ADGRL3: variants seen among roughly 807,000 people sequenced by gnomAD.
ADGRL3 encodes the protein adhesion G protein-coupled receptor L3.
Under a neutral mutation model 153.5 loss-of-function variants are expected in ADGRL3, and 62 were observed. That is an observed-to-expected ratio of 0.40 (90% CI 0.33 to 0.50). The LOEUF is 0.50. Ranked by LOEUF, ADGRL3 falls within the 20% of genes least tolerant of loss-of-function variation. The probability of loss-of-function intolerance (pLI) is 0.47; values close to 1 mark genes in which losing one functional copy is unlikely to be tolerated. For missense variants in ADGRL3, 1,641 were observed against 1,859.4 expected (o/e 0.88, Z 2.16); for synonymous variants, 710 against 672.5 (o/e 1.06, Z -0.86).
At chr4:61,948,729 C>T (rs1378105916) in intron 17 of ADGRL3, among the ~76,000 whole-genome samples, 1 of 152,140 alleles carries the variant, frequency 6.6e-6, no homozygotes, top group Non-Finnish European at 1.5e-5. Context: ...GTGCAAAGGA[C>T]TTGGCATACC....
intron 8 of ADGRL3, among the ~76,000 whole-genome samples, chr4:61,764,564 G>C: frequency 6.6e-6 from 1 of 151,824 alleles, no homozygotes; most frequent in Non-Finnish European, 1.5e-5. Flanking sequence ...TTCTTTTGTG[G>C]TGGAATGTCA....
At chr4:61,385,938 A>G (rs887651790) in intron 2 of ADGRL3, among the ~76,000 whole-genome samples, 7 of 151,890 alleles carry the variant, frequency 4.6e-5, no homozygotes. Context: ...TCTTTCTTTC[A>G]CTTACTGCTC....
At chr4:61,824,872 T>C (rs2097787062) in intron 9 of ADGRL3, among the ~76,000 whole-genome samples, 1 of 152,254 alleles carries the variant, frequency 6.6e-6, no homozygotes, top group South Asian at 2.1e-4. Flanking sequence ...CTTTTAGAGT[T>C]AATTGCCTGC....
chr4:61,882,855 C>T (rs1324545579), intron 9 of ADGRL3, among the ~76,000 whole-genome samples: 6 of 152,210 alleles, frequency 3.9e-5, no homozygotes, highest in Non-Finnish European at 7.3e-5. Flanking sequence ...CCTATAATCC[C>T]AGCACTTTGG....
At chr4:61,929,566 A>G (rs558159296) in intron 13 of ADGRL3, among the ~76,000 whole-genome samples, 1 of 152,318 alleles carries the variant, frequency 6.6e-6, no homozygotes, top group South Asian at 2.1e-4. Flanking sequence ...AAACTGACTT[A>G]CATATGAGTT....
At chr4:61,588,730 A>G (rs2098957047) in intron 5 of ADGRL3, among the ~76,000 whole-genome samples, 1 of 152,042 alleles carries the variant, frequency 6.6e-6, no homozygotes, top group Non-Finnish European at 1.5e-5. Context: ...CTCCAACTAT[A>G]CTAAATGCTA....
At chr4:61,976,545 G>A (rs1241562460) in intron 17 of ADGRL3, among the ~76,000 whole-genome samples, 1 of 152,100 alleles carries the variant, frequency 6.6e-6, no homozygotes, top group Non-Finnish European at 1.5e-5. Context: ...CAGAAAAGGG[G>A]TCTGTAATTT....
At chr4:61,808,732 G>GTGTTTGTT (rs539186158) in intron 8 of ADGRL3, among the ~76,000 whole-genome samples, 7,563 of 148,754 alleles carry the variant, frequency 0.051, 319 homozygotes, top group African/African-American at 0.11. Context: ...ATGGGTTTTT[G>GTGTTTGTT]TGTTTGTTTG....
rs536156841 is a variant in ADGRL3, at chr4:61,419,916, C to T, written c.-174+36727C>T. ...TTGAGTGATTCTGCTACCACAGCCT[C>T]CCCAGTAGCTGGGATTACAGGCATG... On this transcript the variant is annotated intron_variant, in intron 2 of 26. Coordinates refer to ENST00000683033, the MANE Select transcript of ADGRL3 (RefSeq NM_001387552.1). 2.6e-5 allele frequency among the ~76,000 whole-genome samples: 4 copies of T among 151,980 alleles called. No individual in the cohort carries two copies. The South Asian group carries it at 8.3e-4, about 32-fold the overall frequency.
chr4:61,591,307 C>T (rs576202024), intron 5 of ADGRL3, among the ~76,000 whole-genome samples: 2 of 152,198 alleles, frequency 1.3e-5, no homozygotes, highest in African/African-American at 4.8e-5. Context: ...TTTTAGTGAA[C>T]TTAGCAACTG....
At chr4:61,709,027 C>T (rs2095910245) in intron 6 of ADGRL3, among the ~76,000 whole-genome samples, 1 of 151,966 alleles carries the variant, frequency 6.6e-6, no homozygotes, top group Non-Finnish European at 1.5e-5. Flanking sequence ...CCAGGCTGGT[C>T]TCGACTCCTG....
At position 61,202,537 on chromosome 4, in the gene ADGRL3, G is replaced by C. The variant is rs1577837086; in HGVS notation, c.-240+772G>C. 6.6e-6 allele frequency among the ~76,000 whole-genome samples: 1 copy of C among 152,214 alleles called. No homozygotes were observed. The highest frequency in any genetic ancestry group is 2.0e-4 in the East Asian group (1 of 5,124). On this transcript the variant is annotated intron_variant, in intron 1 of 26. Transcript: ENST00000683033. This position sits in a 1 kb window ranked among gnomAD's most constrained non-coding sequence, Gnocchi z 5.0. Reference sequence around the variant, plus strand: ...GGGGGCGGCGGTGTTGCACGAATCCGGGCGGCCGCGGCGCCGGGGCGGGGT... The same window carrying C: ...GGGGGCGGCGGTGTTGCACGAATCCCGGCGGCCGCGGCGCCGGGGCGGGGT...
chr4:61,808,679 A>G (rs1580930118), intron 8 of ADGRL3, among the ~76,000 whole-genome samples: 1 of 152,138 alleles, frequency 6.6e-6, no homozygotes, highest in East Asian at 1.9e-4. Context: ...TTATAATGCT[A>G]GGCATGTCCA....
At chr4:61,398,641 T>TC (rs2096895132) in intron 2 of ADGRL3, among the ~76,000 whole-genome samples, 1 of 151,628 alleles carries the variant, frequency 6.6e-6, no homozygotes, top group African/African-American at 2.4e-5. Flanking sequence ...TGGCTTCTTC[T>TC]GTTTTTTTAT....
At chr4:61,900,679 G>A (rs1355495672) in intron 11 of ADGRL3, among the ~76,000 whole-genome samples, 2 of 152,136 alleles carry the variant, frequency 1.3e-5, no homozygotes, top group African/African-American at 4.8e-5. Context: ...GTGGGTGGAT[G>A]GAAGTCTTGA....
At chr4:61,226,565 G>T (rs1344347973) in intron 1 of ADGRL3, among the ~76,000 whole-genome samples, 1 of 152,058 alleles carries the variant, frequency 6.6e-6, no homozygotes, top group East Asian at 1.9e-4. Context: ...ATATTTTTCA[G>T]GTTCTTGACC....
chr4:61,976,966 T>C (rs2099050310), intron 17 of ADGRL3, among the ~76,000 whole-genome samples: 1 of 152,158 alleles, frequency 6.6e-6, no homozygotes, highest in Non-Finnish European at 1.5e-5. Context: ...TATAGGTGGT[T>C]GGTGTTGATG....
rs537254145 is a variant in ADGRL3, at chr4:62,019,632, GGCTTCTGTATTAAAA to G, written c.3396-9220_3396-9206del. ...AATTAGGAATAATTATATCTCATTG[GGCTTCTGTATTAAAA>G]GCAGAATTGAGATAGAGCTCTTAAG... is the stretch of plus-strand genomic sequence containing the variant. On this transcript the variant is annotated intron_variant, in intron 21 of 26. Coordinates refer to ENST00000683033, the MANE Select transcript of ADGRL3 (RefSeq NM_001387552.1). Among the ~76,000 whole-genome samples, 39 of 151,616 alleles carry G rather than the reference GGCTTCTGTATTAAAA, an allele frequency of 2.6e-4. No homozygotes were observed. The East Asian group carries it at 4.9e-3, about 19-fold the overall frequency.
At position 61,652,857 on chromosome 4, in the gene ADGRL3, A is replaced by C. The variant is rs1023181484; in HGVS notation, c.474-23969A>C. ...TGCTATAGGCAGAAAAATGTGTTAAATACTAATGATATGGAAGTGAATAAT... is the reference window on the plus strand; with the variant it reads ...TGCTATAGGCAGAAAAATGTGTTAACTACTAATGATATGGAAGTGAATAAT... On this transcript the variant is annotated intron_variant, in intron 5 of 26. Transcript: ENST00000683033. Among the ~76,000 whole-genome samples, 10 of 152,208 alleles carry C rather than the reference A, an allele frequency of 6.6e-5. No individual in the cohort carries two copies. The East Asian group carries it at 1.9e-3, about 29-fold the overall frequency.
Sources: allele counts gnomAD v4.1 joint callset (sites outside exome capture counted in the v4.1 genomes callset), GRCh38; gene constraint gnomAD v4.1.1; non-coding constraint Gnocchi (gnomAD v3.1); transcripts MANE v1.5; gene names NCBI Gene and HGNC (gene_info 2026-07-23, HGNC 2026-07-21).